The following ANLN variants were observed in gnomAD, a reference collection of about 807,000 sequenced individuals.
The protein encoded by ANLN is anillin.
ANLN carries 59 observed loss-of-function variants against 135.1 expected under a neutral mutation model. The ratio of observed to expected loss-of-function variants is 0.44; its 90% CI spans 0.35 to 0.54. The LOEUF is 0.54. ANLN is among the 20% of genes least tolerant of loss of function. The probability of loss-of-function intolerance (pLI) is 0.00; values close to 1 mark genes in which losing one functional copy is unlikely to be tolerated. For missense variants in ANLN, 1,182 were observed against 1,340.0 expected (o/e 0.88, Z 1.84); for synonymous variants, 406 against 456.4 (o/e 0.89, Z 1.41).
rs778001310 is a variant in ANLN at position 36,421,226 on chromosome 7, C to T, written c.2163+482C>T. ...GAGATTACAGGCATGCACCACCACA[C>T]CTGGCTAATTTTTATATTTTTAGTA... On this transcript the variant is annotated intron_variant, in intron 12 of 23. Coordinates refer to ENST00000265748, the MANE Select transcript of ANLN (RefSeq NM_018685.5). 5.3e-4 allele frequency among the ~76,000 whole-genome samples: 80 copies of T among 152,194 alleles called. No homozygotes were observed. The Middle Eastern group carries it at 0.01, about 19-fold the overall frequency.
At chr7:36,412,568 T>C (rs1273924780) in intron 7 of ANLN, among the ~76,000 whole-genome samples, 1 of 152,004 alleles carries the variant, frequency 6.6e-6, no homozygotes, top group East Asian at 1.9e-4. Flanking sequence ...CCTCAGGTGA[T>C]CCGCCCGCCT....
Position 36,421,828 on chromosome 7 carries a change from A to G in ANLN, c.2164-29A>G, listed in dbSNP as rs375118901. The G allele has an allele frequency of 5.1e-6, 8 of 1,569,488 alleles. No homozygotes were observed. The African/African-American group carries it at 9.6e-5, about 19-fold the overall frequency. On this transcript the variant is annotated intron_variant, in intron 12 of 23. Transcript: ENST00000265748. ...GAAAATGATGATTTAAAATGTGTATATTTTTTCTCCTCTCATTGGTTTTCC... is the reference window on the plus strand; with the variant it reads ...GAAAATGATGATTTAAAATGTGTATGTTTTTTCTCCTCTCATTGGTTTTCC...
intron 22 of ANLN, among the ~76,000 whole-genome samples, chr7:36,448,327 T>G (rs1192562007): frequency 1.3e-5 from 2 of 152,182 alleles, no homozygotes; most frequent in Non-Finnish European, 2.9e-5. Context: ...GTTTTGCATT[T>G]TACAGTTGAA....
chr7:36,398,570 A>G (rs1015174548), intron 2 of ANLN, among the ~76,000 whole-genome samples: 2 of 152,226 alleles, frequency 1.3e-5, no homozygotes, highest in African/African-American at 2.4e-5. Context: ...TCTTAACACT[A>G]TATAAAGTGT....
intron 4 of ANLN, among the ~76,000 whole-genome samples, chr7:36,406,780 G>A (rs1787210296): frequency 6.6e-6 from 1 of 152,168 alleles, no homozygotes; most frequent in African/African-American, 2.4e-5. Context: ...GTTGACAGCT[G>A]AAGTTATACT....
intron 23 of ANLN, among the ~76,000 whole-genome samples, chr7:36,451,223 C>CT (rs1405523938): frequency 3.3e-5 from 5 of 152,130 alleles, no homozygotes; most frequent in Admixed American, 1.3e-4. Context: ...GGACTTAGGC[C>CT]TTTTACTTGA....
chr7:36,392,513 GTT>G (rs55732261), intron 1 of ANLN, among the ~76,000 whole-genome samples: 2 of 140,456 alleles, frequency 1.4e-5, no homozygotes, highest in Non-Finnish European at 3.0e-5. Context: ...TATTGCAGTG[GTT>G]TTTTTTTTTT....
intron 2 of ANLN, 49 bp from the exon 3 acceptor site, chr7:36,399,030 T>A (rs375412585): frequency 2.4e-5 from 36 of 1,488,842 alleles, no homozygotes; most frequent in Non-Finnish European, 3.1e-5. Context: ...AAGTTTTTCA[T>A]GTGAGAAATT....
intron 8 of ANLN, 103 bp downstream of exon 8, chr7:36,415,987 G>GT (rs373344460): frequency 3.6e-5 from 36 of 1,002,872 alleles, no homozygotes; most frequent in South Asian, 2.8e-4. Context: ...TTGTTCTAAC[G>GT]TTTTTTGGGG....
In ANLN at chr7:36,416,248, T is replaced by C. The variant is rs1583618740; in HGVS notation, c.1522+364T>C. Among the ~76,000 whole-genome samples, 3 of 152,316 alleles carry C rather than the reference T, an allele frequency of 2.0e-5. No homozygotes were observed. In the South Asian group the frequency reaches 6.2e-4, roughly 32 times the overall value. On this transcript the variant is annotated intron_variant, in intron 8 of 23. Transcript: ENST00000265748. ...GTTGGCCAAGCTGTTCTCAAACTCC[T>C]GACCTCGTGATCTGCTTGCCTTGGC...
At chr7:36,405,431 G>A (rs28501370) in intron 3 of ANLN, among the ~76,000 whole-genome samples, 38,247 of 152,020 alleles carry the variant, frequency 0.25, 4,961 homozygotes, top group East Asian at 0.41. Context: ...GTTTTGGAGG[G>A]GCAGAATTGA....
At chr7:36,440,650 T>C (rs1411901374) in intron 21 of ANLN, among the ~76,000 whole-genome samples, 1 of 151,846 alleles carries the variant, frequency 6.6e-6, no homozygotes, top group African/African-American at 2.4e-5. Flanking sequence ...AGATTGAAGA[T>C]AGAGGCCATG....
intron 1 of ANLN, among the ~76,000 whole-genome samples, chr7:36,394,000 C>T (rs1382822586): frequency 1.3e-5 from 2 of 152,152 alleles, no homozygotes; most frequent in Non-Finnish European, 2.9e-5. Context: ...CTCTGTTACC[C>T]AGGCTGGAGT....
At chr7:36,430,233 T>A (rs1331191603) in intron 20 of ANLN, among the ~76,000 whole-genome samples, 1 of 152,206 alleles carries the variant, frequency 6.6e-6, no homozygotes, top group East Asian at 1.9e-4. Flanking sequence ...TACAACGCAG[T>A]CTTGGTTTAT....
At chr7:36,445,161 C>CTTTTTTTTTTTTTTTTTTTTTTTTTTTT (rs70977145) in intron 22 of ANLN, among the ~76,000 whole-genome samples, 1 of 57,786 alleles carries the variant, frequency 1.7e-5, no homozygotes, top group African/African-American at 6.8e-5. Context: ...ATTTGGGATT[C>CTTTTTTTTTTTTTTTTTTTTTTTTTTTT]TTTTTTTTTT....
At chr7:36,433,840 T>C (rs1339630062) in intron 20 of ANLN, among the ~76,000 whole-genome samples, 1 of 152,142 alleles carries the variant, frequency 6.6e-6, no homozygotes, top group Non-Finnish European at 1.5e-5. Context: ...ATTCAGACTT[T>C]TTTTTAGTTC....
At chr7:36,394,298 C>G (rs930101082) in intron 1 of ANLN, among the ~76,000 whole-genome samples, 3 of 152,166 alleles carry the variant, frequency 2.0e-5, no homozygotes. Context: ...AGGGGTATAA[C>G]AAGGTGCATG....
intron 20 of ANLN, among the ~76,000 whole-genome samples, chr7:36,430,078 G>A (rs893538880): frequency 6.6e-6 from 1 of 152,192 alleles, no homozygotes; most frequent in Non-Finnish European, 1.5e-5. Flanking sequence ...TGGGTTTGAT[G>A]TAGGAGAATA....
At chr7:36,390,243 C>T in intron 1 of ANLN, 199 bp downstream of exon 1, 2 of 808,688 alleles carry the variant, frequency 2.5e-6, no homozygotes, top group Admixed American at 2.7e-5. Context: ...TTGTTTCGGT[C>T]CTACAGATAA....
Sources: gnomAD v4.1 joint callset for allele counts (sites outside exome capture counted in the v4.1 genomes callset) on GRCh38, gnomAD v4.1.1 for gene constraint, MANE v1.5 for transcripts, NCBI Gene and HGNC (gene_info 2026-07-23, HGNC 2026-07-21) for gene names.